Variants in GLG1 observed in about 807,000 individuals in gnomAD.
GLG1 encodes the protein golgi glycoprotein 1.
GLG1 carries 38 observed loss-of-function variants against 160.5 expected under a neutral mutation model. The ratio of observed to expected loss-of-function variants is 0.24; its 90% CI spans 0.18 to 0.31. GLG1 has a LOEUF of 0.31. Among genes scored for constraint, GLG1 ranks in the 10% least tolerant of loss-of-function variants. GLG1 has a pLI of 1.00. For missense variants in GLG1, 1,373 were observed against 1,505.2 expected, an observed-to-expected ratio of 0.91 and a Z score of 1.45; for synonymous variants, 644 against 543.4, an observed-to-expected ratio of 1.19 and a Z score of -2.57.
At chr16:74,548,576 C>G (rs71392603) in intron 1 of GLG1, among the ~76,000 whole-genome samples, 41,070 of 151,994 alleles carry the variant, frequency 0.27, 5,959 homozygotes, top group Middle Eastern at 0.35. Flanking sequence ...TGGGGTCAAA[C>G]TGACATCAAC....
rs1419374005 is a variant in GLG1 at position 74,498,797 on chromosome 16, G to A, written c.775-2153C>T. 5.1e-5 allele frequency among the ~76,000 whole-genome samples: 7 copies of A among 137,112 alleles called. No individual in the cohort carries two copies. The South Asian group carries it at 7.3e-4, about 14-fold the overall frequency. 90.0% of individuals were successfully genotyped at this position (137,112 alleles called of 152,430 possible). On this transcript the variant is annotated intron_variant, in intron 4 of 25. Transcript: ENST00000422840. ...AGAGAATTGCTTGAATCTGGGAGGC[G>A]GAGGTTGCAGTGAGCTGAGTTAGTG...
chr16:74,576,138 G>A (rs1163513032), intron 1 of GLG1, among the ~76,000 whole-genome samples: 6 of 151,934 alleles, frequency 3.9e-5, no homozygotes, highest in South Asian at 4.2e-4. Flanking sequence ...TGAAGGCGGC[G>A]GTGAGCTGAG....
At position 74,448,874 on chromosome 16, in the gene GLG1, G is replaced by C. The variant is rs1274592267; in HGVS notation, c.*4293C>G. On this transcript the variant is annotated 3_prime_UTR_variant, in exon 26 of 26. Transcript: ENST00000422840. Reference sequence around the variant, plus strand: ...TGCGGCCACTTTGGAAGGCCGAAGTGGGCACATCATGAGGTCAGGAGATGG... The same window carrying C: ...TGCGGCCACTTTGGAAGGCCGAAGTCGGCACATCATGAGGTCAGGAGATGG... 6.6e-6 allele frequency: 1 copy of C among 152,070 alleles called. No homozygotes were observed. The highest frequency in any genetic ancestry group is 1.5e-5 in the Non-Finnish European group (1 of 68,022). The allele number at this position is 152,070 out of a possible 1,614,324, so 9.4% of individuals were successfully genotyped here. A position where few individuals can be genotyped will look rare whatever the true frequency, so the allele number is the denominator to read the frequency against.
At chr16:74,554,519 A>G (rs1250823136) in intron 1 of GLG1, among the ~76,000 whole-genome samples, 1 of 152,134 alleles carries the variant, frequency 6.6e-6, no homozygotes, top group Admixed American at 6.5e-5. Context: ...GTGACAGAAA[A>G]AGACTCCATC....
intron 1 of GLG1, among the ~76,000 whole-genome samples, chr16:74,549,578 G>A (rs67414268): frequency 0.14 from 21,086 of 152,146 alleles, 1,604 homozygotes; most frequent in Middle Eastern, 0.17. Flanking sequence ...GAGCCGCTGC[G>A]CCTGGCCAGT....
intron 3 of GLG1, among the ~76,000 whole-genome samples, chr16:74,507,418 A>C (rs958555463): frequency 2.0e-5 from 3 of 152,162 alleles, no homozygotes; most frequent in Admixed American, 6.5e-5. Context: ...ATATATATGT[A>C]TCTCTCCAAT....
chr16:74,530,803 T>C (rs2017508486), intron 2 of GLG1, among the ~76,000 whole-genome samples: 1 of 152,100 alleles, frequency 6.6e-6, no homozygotes, highest in South Asian at 2.1e-4. Context: ...TATCAAATTT[T>C]TGATATTTGC....
chr16:74,530,777 C>T (rs571348913), intron 2 of GLG1, among the ~76,000 whole-genome samples: 3 of 152,154 alleles, frequency 2.0e-5, no homozygotes, highest in South Asian at 4.2e-4. Flanking sequence ...GTTGGGAGTA[C>T]AGGTGCGAAC....
At chr16:74,497,570 T>A (rs905454927) in intron 4 of GLG1, among the ~76,000 whole-genome samples, 1 of 151,398 alleles carries the variant, frequency 6.6e-6, no homozygotes. Context: ...CCTGAGTAGC[T>A]GGGACCACAG....
chr16:74,524,381 G>A (rs970342470), intron 2 of GLG1, among the ~76,000 whole-genome samples: 7 of 152,076 alleles, frequency 4.6e-5, no homozygotes, highest in Admixed American at 3.3e-4. Flanking sequence ...CATGAAGTAC[G>A]ATGCTTGCTG....
In GLG1 at chr16:74,452,783, A is replaced by G; in HGVS notation, c.*384T>C. Reference sequence around the variant, plus strand: ...TCAAGCCTGGAGGAGATGCGTTACTATATACATTTTTTTCTTTAAAAAAAT... The same window carrying G: ...TCAAGCCTGGAGGAGATGCGTTACTGTATACATTTTTTTCTTTAAAAAAAT... On this transcript the variant is annotated 3_prime_UTR_variant, in exon 26 of 26. Coordinates refer to ENST00000422840, the MANE Select transcript of GLG1 (RefSeq NM_001145667.2). The G allele has an allele frequency of 1.0e-6, 1 of 994,046 alleles. No individual in the cohort carries two copies. The highest frequency in any genetic ancestry group is 1.2e-6 in the Non-Finnish European group (1 of 834,696). 61.6% of individuals were successfully genotyped at this position (994,046 alleles called of 1,614,324 possible). A position where few individuals can be genotyped will look rare whatever the true frequency, so the allele number is the denominator to read the frequency against.
intron 4 of GLG1, among the ~76,000 whole-genome samples, chr16:74,500,517 A>G (rs1597273845): frequency 6.6e-6 from 1 of 151,838 alleles, no homozygotes; most frequent in Admixed American, 6.6e-5. Flanking sequence ...ACTAATCTCT[A>G]AATAGTAGGC....
Position 74,568,575 on chromosome 16 carries a change from G to A in GLG1, c.439-36422C>T, listed in dbSNP as rs945276511. On this transcript the variant is annotated intron_variant, in intron 1 of 25. Coordinates refer to ENST00000422840, the MANE Select transcript of GLG1 (RefSeq NM_001145667.2). ...TGTGATTACAGTTGCACACCACCAC[G>A]CCTGGCTAATTTTTATGTTTTTAGT... Among the ~76,000 whole-genome samples the A allele has an allele frequency of 5.3e-5, 8 of 152,020 alleles. No homozygotes were observed. The South Asian group carries it at 8.3e-4, about 16-fold the overall frequency.
intron 9 of GLG1, 123 bp downstream of exon 9, chr16:74,485,673 C>T (rs963944074): frequency 3.7e-6 from 3 of 818,116 alleles, no homozygotes; most frequent in African/African-American, 3.4e-5. Flanking sequence ...GGTGTATGTT[C>T]AACTTGTTCA....
chr16:74,493,044 A>T lies in GLG1; in HGVS notation c.1147T>A (p.Tyr383Asn). 2 of 1,613,794 alleles carry T rather than the reference A, an allele frequency of 1.2e-6. No individual in the cohort carries two copies. The highest frequency in any genetic ancestry group is 4.5e-5 in the East Asian group (2 of 44,874). ...GGAAGGTTTTCCACATTGCACCGGTATTTCTTCAAGTCACTTTTACAGGAT... is the reference window on the plus strand; with the variant it reads ...GGAAGGTTTTCCACATTGCACCGGTTTTTCTTCAAGTCACTTTTACAGGAT... ...AKSCKSDLKK[Y>N]RCNVENLPRS... Residue 383 changes from tyrosine (Y) to asparagine (N), a missense_variant, in exon 7 of 26, where the codon TAC becomes AAC. By Grantham distance (143) the Tyr-to-Asn change is moderately radical. Coordinates refer to ENST00000422840, the MANE Select transcript of GLG1 (RefSeq NM_001145667.2).
chr16:74,451,375 CAGG>C lies in GLG1; in HGVS notation c.*1789_*1791del, dbSNP rs1437362360. The C allele has an allele frequency of 2.6e-5, 4 of 152,092 alleles. No individual in the cohort carries two copies. The highest frequency in any genetic ancestry group is 5.9e-5 in the Non-Finnish European group (4 of 68,050). 9.4% of individuals were successfully genotyped at this position (152,092 alleles called of 1,614,324 possible). The stretch of plus-strand genomic sequence containing the variant: ...GTTGGCTTCTGGAACCCACTGCCTC[CAGG>C]AAGGGCAGCAAATAGAAAAAAAAGA... On this transcript the variant is annotated 3_prime_UTR_variant, in exon 26 of 26. Transcript: ENST00000422840.
intron 1 of GLG1, among the ~76,000 whole-genome samples, chr16:74,578,456 C>T (rs528637445): frequency 7.2e-5 from 11 of 152,040 alleles, no homozygotes; most frequent in African/African-American, 1.4e-4. Context: ...AATAAGTCAA[C>T]GGATAATGTC....
chr16:74,494,180 A>AC (rs967610002), intron 6 of GLG1, among the ~76,000 whole-genome samples: 1 of 150,374 alleles, frequency 6.7e-6, no homozygotes, highest in Non-Finnish European at 1.5e-5. Context: ...CTCAAAAAAA[A>AC]ACAAAAACAA....
At chr16:74,550,581 T>C (rs1337397943) in intron 1 of GLG1, among the ~76,000 whole-genome samples, 3 of 152,240 alleles carry the variant, frequency 2.0e-5, no homozygotes, top group African/African-American at 4.8e-5. Flanking sequence ...ATTTAAAACA[T>C]AATTTTTTAA....
Sources: gnomAD v4.1 joint callset for allele counts (sites outside exome capture counted in the v4.1 genomes callset) on GRCh38, gnomAD v4.1.1 for gene constraint, MANE v1.5 for transcripts, NCBI Gene and HGNC (gene_info 2026-07-23, HGNC 2026-07-21) for gene names.